The following DPP4 variants were observed in gnomAD, a reference collection of about 807,000 sequenced individuals.
The protein encoded by DPP4 is dipeptidyl peptidase 4.
DPP4 carries 93 observed loss-of-function variants against 122.4 expected under a neutral mutation model. The ratio of observed to expected loss-of-function variants is 0.76; its 90% CI spans 0.64 to 0.90. DPP4 has a LOEUF of 0.90. DPP4 is among the 40% of genes least tolerant of loss of function. The pLI is 0.00. For synonymous variants in DPP4, 321 were observed against 302.9 expected (o/e 1.06, Z -0.62); for missense variants, 914 against 907.3 (o/e 1.01, Z -0.09).
At chr2:162,072,608 C>A (rs1184881940) in intron 2 of DPP4, among the ~76,000 whole-genome samples, 2 of 152,150 alleles carry the variant, frequency 1.3e-5, no homozygotes, top group African/African-American at 2.4e-5. Context: ...GTGTGTAATG[C>A]TGAAATGAAA....
intron 10 of DPP4, among the ~76,000 whole-genome samples, chr2:162,028,057 T>TAAAAAA (rs201617035): frequency 7.5e-6 from 1 of 133,908 alleles, no homozygotes; most frequent in Non-Finnish European, 1.6e-5. Flanking sequence ...AAGAATCATT[T>TAAAAAA]AAAAAAAAAA....
chr2:162,045,743 G>C, intron 4 of DPP4, 131 bp from the exon 5 acceptor site: 1 of 631,808 alleles, frequency 1.6e-6, no homozygotes. Flanking sequence ...TAGCAGAGGT[G>C]GCATATTCAC....
intron 22 of DPP4, among the ~76,000 whole-genome samples, chr2:162,006,874 A>G (rs1701295849): frequency 6.6e-6 from 1 of 152,112 alleles, no homozygotes; most frequent in South Asian, 2.1e-4. Context: ...CTTGAATTTC[A>G]CTAAAATTTT....
intron 23 of DPP4, among the ~76,000 whole-genome samples, chr2:162,003,965 A>G (rs559621656): frequency 6.6e-6 from 1 of 152,194 alleles, no homozygotes; most frequent in Non-Finnish European, 1.5e-5. Flanking sequence ...AGGGGATTCC[A>G]AAGGGGATGC....
chr2:162,007,471 C>A (rs1051902564), intron 22 of DPP4, among the ~76,000 whole-genome samples: 4 of 151,952 alleles, frequency 2.6e-5, no homozygotes, highest in Non-Finnish European at 5.9e-5. Context: ...CTTGAAACAC[C>A]ATTTACGTAT....
rs117006681 is a variant in DPP4 at position 162,005,653 on chromosome 2, A to G, written c.2052+92T>C. On this transcript the variant is annotated intron_variant, in intron 23 of 25. Transcript: ENST00000360534. ...TTAACAAGAATTTTGTTGGAAATAA[A>G]AATATGTATTTTCTAGAATAGATAC... 522 of 1,163,600 alleles carry G rather than the reference A, an allele frequency of 4.5e-4. 7 individuals are homozygous for G. The East Asian group carries it at 0.012, about 28-fold the overall frequency. The allele number at this position is 1,163,600 out of a possible 1,614,324, so 72.1% of individuals were successfully genotyped here.
intron 18 of DPP4, among the ~76,000 whole-genome samples, chr2:162,015,731 T>G (rs1682887160): frequency 6.6e-6 from 1 of 152,152 alleles, no homozygotes; most frequent in Non-Finnish European, 1.5e-5. Flanking sequence ...ACCCGTCTAC[T>G]AATGTGGCTT....
chr2:162,054,967 T>C (rs1046177778), intron 2 of DPP4, among the ~76,000 whole-genome samples: 2 of 152,198 alleles, frequency 1.3e-5, no homozygotes, highest in African/African-American at 4.8e-5. Context: ...CTGCACATTA[T>C]TGTTTTGTTC....
chr2:162,027,011 T>C (rs1247461351), intron 10 of DPP4, among the ~76,000 whole-genome samples: 3 of 152,202 alleles, frequency 2.0e-5, no homozygotes, highest in African/African-American at 4.8e-5. Flanking sequence ...AATGAGTTCA[T>C]TTAATATTCC....
intron 5 of DPP4, among the ~76,000 whole-genome samples, chr2:162,041,770 T>C (rs1483092606): frequency 6.6e-6 from 1 of 152,198 alleles, no homozygotes; most frequent in Non-Finnish European, 1.5e-5. Flanking sequence ...TCACTTCATC[T>C]TTTGAAACAG....
intron 23 of DPP4, among the ~76,000 whole-genome samples, chr2:161,999,054 C>T (rs1156256180): frequency 6.6e-6 from 1 of 152,162 alleles, no homozygotes; most frequent in East Asian, 1.9e-4. Flanking sequence ...GGGAGAGAGG[C>T]AGCTGAGAGA....
At chr2:161,994,334 A>G (rs1410991541) in intron 25 of DPP4, among the ~76,000 whole-genome samples, 1 of 152,234 alleles carries the variant, frequency 6.6e-6, no homozygotes, top group Non-Finnish European at 1.5e-5. Context: ...ACATACATGC[A>G]CACATTAAAA....
At chr2:162,018,607 G>T in intron 16 of DPP4, 122 bp downstream of exon 16, 1 of 1,256,348 alleles carries the variant, frequency 8.0e-7, no homozygotes, top group Non-Finnish European at 1.1e-6. Flanking sequence ...ACTTAAATGT[G>T]AGTGGAGAGA....
At chr2:162,062,132 A>T (rs74582575) in intron 2 of DPP4, among the ~76,000 whole-genome samples, 2 of 150,132 alleles carry the variant, frequency 1.3e-5, no homozygotes, top group Admixed American at 6.6e-5. Context: ...AAAAAAAAAA[A>T]TTAGCTGGGC....
rs536540689 is a variant in DPP4 at position 162,017,337 on chromosome 2, G to A, written c.1421-182C>T. The A allele has an allele frequency of 5.2e-6, 3 of 581,928 alleles. No individual in the cohort carries two copies. In the South Asian group the frequency reaches 7.8e-5, roughly 15 times the overall value. The allele number at this position is 581,928 out of a possible 1,614,324, so 36.0% of individuals were successfully genotyped here. On this transcript the variant is annotated intron_variant, in intron 16 of 25. Coordinates refer to ENST00000360534, the MANE Select transcript of DPP4 (RefSeq NM_001935.4). The stretch of plus-strand genomic sequence containing the variant: ...TCCTCCCCCTCTCTTTAAAATAGTT[G>A]CAATTTCAGTGTAAGAAGTATTACT...
chr2:162,024,176 C>T lies in DPP4; in HGVS notation c.1023+628G>A, dbSNP rs571968329. On this transcript the variant is annotated intron_variant, in intron 11 of 25. Coordinates refer to ENST00000360534, the MANE Select transcript of DPP4 (RefSeq NM_001935.4). ...ATGCCAGCAAACCTCTTCCAGGATC[C>T]ACCCCTCCCAGGCTGCAGGCTCCCA... Among the ~76,000 whole-genome samples the T allele has an allele frequency of 2.0e-5, 3 of 152,332 alleles. No individual in the cohort carries two copies. The South Asian group carries it at 6.2e-4, about 32-fold the overall frequency.
At chr2:162,046,313 G>A (rs1415117308) in intron 4 of DPP4, among the ~76,000 whole-genome samples, 1 of 152,130 alleles carries the variant, frequency 6.6e-6, no homozygotes, top group Admixed American at 6.5e-5. Context: ...GACATGCAGA[G>A]GGAGAATTGT....
intron 2 of DPP4, among the ~76,000 whole-genome samples, chr2:162,069,336 C>A (rs1003537937): frequency 5.9e-5 from 9 of 152,170 alleles, no homozygotes; most frequent in African/African-American, 1.9e-4. Flanking sequence ...GGCGCTCCTG[C>A]ATGTTATTTA....
intron 4 of DPP4, 134 bp from the exon 5 acceptor site, chr2:162,045,746 A>T: frequency 1.6e-6 from 1 of 624,784 alleles, no homozygotes; most frequent in South Asian, 2.1e-5. Context: ...CAGAGGTGGC[A>T]TATTCACCCA....
Sources: gnomAD v4.1 joint callset for allele counts (sites outside exome capture counted in the v4.1 genomes callset) on GRCh38, gnomAD v4.1.1 for gene constraint, MANE v1.5 for transcripts, NCBI Gene and HGNC (gene_info 2026-07-23, HGNC 2026-07-21) for gene names.